Variants in CCNY observed in about 807,000 individuals in gnomAD.
The protein encoded by CCNY is cyclin-Y.
A neutral mutation model predicts 42.8 loss-of-function variants in CCNY; 19 were observed. That is an observed-to-expected ratio of 0.44 (90% confidence interval 0.31 to 0.65). The LOEUF (loss-of-function observed/expected upper bound fraction) is 0.65. Among genes scored for constraint, CCNY ranks in the 30% least tolerant of loss-of-function variants. The pLI, the probability that CCNY is intolerant of heterozygous loss-of-function variation, is 0.07. For missense variants in CCNY, 370 were observed against 437.3 expected (o/e 0.85, Z 1.37); for synonymous variants, 165 against 162.7 (o/e 1.01, Z -0.11).
intron 9 of CCNY, among the ~76,000 whole-genome samples, chr10:35,568,376 T>A (rs1410652393): frequency 6.6e-6 from 1 of 152,196 alleles, no homozygotes; most frequent in Non-Finnish European, 1.5e-5. Flanking sequence ...GACAGTGGGC[T>A]CAGCTTTTAC....
chr10:35,287,077 G>GT (rs886250073), intron 3 of CCNY, among the ~76,000 whole-genome samples: 3 of 152,306 alleles, frequency 2.0e-5, no homozygotes, highest in South Asian at 4.1e-4. Flanking sequence ...TCAAGAGAGT[G>GT]TTTTTTATGT....
At chr10:35,287,237 C>G (rs1276796504) in intron 3 of CCNY, among the ~76,000 whole-genome samples, 3 of 151,868 alleles carry the variant, frequency 2.0e-5, no homozygotes, top group Admixed American at 2.0e-4. Flanking sequence ...GGGGAGAAAG[C>G]CTAAAATTAT....
chr10:35,317,765 G>C (rs1835777203), intron 3 of CCNY, among the ~76,000 whole-genome samples: 1 of 152,200 alleles, frequency 6.6e-6, no homozygotes, highest in Non-Finnish European at 1.5e-5. Context: ...GTGATGGTGA[G>C]TGAAGACTCA....
At chr10:35,504,514 C>T (rs1271067964) in intron 3 of CCNY, among the ~76,000 whole-genome samples, 1 of 152,162 alleles carries the variant, frequency 6.6e-6, no homozygotes, top group Non-Finnish European at 1.5e-5. Context: ...TGAAAATAAA[C>T]CACTTTGGAT....
chr10:35,428,468 C>T lies in CCNY; in HGVS notation c.155-54936C>T, dbSNP rs75395776. On this transcript the variant is annotated intron_variant, in intron 1 of 9. Transcript: ENST00000374704. ...GAGAGAGCGTGCACATGTGTGTGTG[C>T]GTGATGAGGGTGAGCCCTGAGAGGT... 3.1e-4 allele frequency among the ~76,000 whole-genome samples: 47 copies of T among 152,158 alleles called. No individual in the cohort carries two copies. The East Asian group carries it at 8.7e-3, about 28-fold the overall frequency.
intron 3 of CCNY, among the ~76,000 whole-genome samples, chr10:35,323,213 G>C (rs1236007286): frequency 6.6e-6 from 1 of 152,132 alleles, no homozygotes; most frequent in South Asian, 2.1e-4. Flanking sequence ...ACAGGCATGA[G>C]CCACCGCACT....
At chr10:35,382,372 A>G (rs575022773) in intron 1 of CCNY, among the ~76,000 whole-genome samples, 3 of 152,324 alleles carry the variant, frequency 2.0e-5, no homozygotes, top group South Asian at 2.1e-4. Context: ...TGCTTGGAGC[A>G]TGCAAAGGGG....
rs186444300 is a variant in CCNY at position 35,563,884 on chromosome 10, T to G, written c.747-2139T>G. 1.9e-3 allele frequency among the ~76,000 whole-genome samples: 284 copies of G among 150,310 alleles called. 2 individuals are homozygous for G. The highest frequency in any genetic ancestry group is 6.6e-3 in the African/African-American group (268 of 40,826). Reference sequence around the variant, plus strand: ...CCACCATGCCTGACTAATTTTTTTTTTTTTTTTTTGAGACAGAGTTTCGCT... The same window carrying G: ...CCACCATGCCTGACTAATTTTTTTTGTTTTTTTTTGAGACAGAGTTTCGCT... On this transcript the variant is annotated intron_variant, in intron 8 of 9. Transcript: ENST00000374704.
rs141280866 is a variant in CCNY, at chr10:35,542,484, ACT to A, written c.580-10532_580-10531del. 6.8e-3 allele frequency among the ~76,000 whole-genome samples: 1,029 copies of A among 151,972 alleles called. 11 individuals are homozygous for A. The highest frequency in any genetic ancestry group is 0.024 in the African/African-American group (983 of 41,464). On this transcript the variant is annotated intron_variant, in intron 7 of 9. Transcript: ENST00000374704. The stretch of plus-strand genomic sequence containing the variant: ...TACTGTGTATCCTTCGAATGAGGTC[ACT>A]CTGTGCAAACCACACGTATGCAGGC...
chr10:35,304,660 C>T (rs1835584980), intron 3 of CCNY, among the ~76,000 whole-genome samples: 1 of 152,184 alleles, frequency 6.6e-6, no homozygotes, highest in Non-Finnish European at 1.5e-5. Flanking sequence ...TGCAGGTTTT[C>T]TCAGCCACAG....
chr10:35,408,162 T>A (rs577661842), intron 1 of CCNY, among the ~76,000 whole-genome samples: 1 of 152,094 alleles, frequency 6.6e-6, no homozygotes, highest in African/African-American at 2.4e-5. Flanking sequence ...TGATCTAAAA[T>A]TGGGGAGATG....
chr10:35,258,700 G>T (rs759436245), intron 3 of CCNY, among the ~76,000 whole-genome samples: 1 of 152,176 alleles, frequency 6.6e-6, no homozygotes, highest in Non-Finnish European at 1.5e-5. Context: ...CACTTTGGGA[G>T]GCCGAGGTGG....
chr10:35,557,773 A>T (rs746432394), intron 8 of CCNY, among the ~76,000 whole-genome samples: 1 of 152,210 alleles, frequency 6.6e-6, no homozygotes, highest in African/African-American at 2.4e-5. Flanking sequence ...AAAAAAAGTC[A>T]GTATAAATTA....
intron 7 of CCNY, 102 bp from the exon 8 acceptor site, chr10:35,552,917 C>A: frequency 8.6e-7 from 1 of 1,157,302 alleles, no homozygotes; most frequent in South Asian, 1.5e-5. Context: ...AATAAATTCC[C>A]ATTTAAAGGT....
At chr10:35,291,421 T>TATCAAC (rs1209509777) in intron 3 of CCNY, among the ~76,000 whole-genome samples, 2 of 152,200 alleles carry the variant, frequency 1.3e-5, no homozygotes, top group Non-Finnish European at 2.9e-5. Flanking sequence ...TATTCCATTG[T>TATCAAC]ATCAACAGAA....
At chr10:35,502,561 C>G (rs563796297) in intron 3 of CCNY, among the ~76,000 whole-genome samples, 1 of 152,256 alleles carries the variant, frequency 6.6e-6, no homozygotes, top group Admixed American at 6.5e-5. Flanking sequence ...CTGATGACTT[C>G]TTTGTAGTCA....
intron 1 of CCNY, among the ~76,000 whole-genome samples, chr10:35,430,865 C>G (rs1391988915): frequency 6.6e-6 from 1 of 152,040 alleles, no homozygotes. Flanking sequence ...AATCCCAGCA[C>G]TTTGGGAGGC....
intron 2 of CCNY, among the ~76,000 whole-genome samples, chr10:35,487,768 G>A (rs1382974338): frequency 6.6e-6 from 1 of 152,158 alleles, no homozygotes; most frequent in Non-Finnish European, 1.5e-5. Flanking sequence ...ACACAAAGAG[G>A]ATGACATTGC....
At chr10:35,486,423 A>G (rs1839789051) in intron 2 of CCNY, among the ~76,000 whole-genome samples, 1 of 152,184 alleles carries the variant, frequency 6.6e-6, no homozygotes, top group Admixed American at 6.5e-5. Context: ...CCCAGCCTTG[A>G]ACCTGACCAC....
Sources: gnomAD v4.1 joint callset for allele counts (sites outside exome capture counted in the v4.1 genomes callset) on GRCh38, gnomAD v4.1.1 for gene constraint, MANE v1.5 for transcripts, NCBI Gene and HGNC (gene_info 2026-07-23, HGNC 2026-07-21) for gene names.